The following NCKIPSD variants were observed in gnomAD, a reference collection of about 807,000 sequenced individuals.
The protein encoded by NCKIPSD is NCK-interacting protein with SH3 domain.
Under a neutral mutation model 73.4 loss-of-function variants are expected in NCKIPSD, and 48 were observed. The ratio of observed to expected loss-of-function variants is 0.65; its 90% CI spans 0.52 to 0.83. The LOEUF (loss-of-function observed/expected upper bound fraction) is 0.83. Among genes scored for constraint, NCKIPSD ranks in the 40% least tolerant of loss-of-function variants. The pLI, the probability that NCKIPSD is intolerant of heterozygous loss-of-function variation, is 0.00. For synonymous variants in NCKIPSD, 422 were observed against 403.6 expected, an observed-to-expected ratio of 1.05 and a Z score of -0.54; for missense variants, 884 against 970.2, an observed-to-expected ratio of 0.91 and a Z score of 1.18.
Position 48,682,411 on chromosome 3 carries a change from C to T in NCKIPSD, c.423G>A (p.Gly141=), listed in dbSNP as rs2077369829. Residue 141 remains glycine, a synonymous_variant, in exon 3 of 13, where the codon GGG becomes GGA. Transcript: ENST00000294129. ...ARQPNGVCRA[G]FERQHSLPSS... is the part of the protein sequence containing the mutation. ...TGGGTAGGCTGTGCTGCCGCTCGAA[C>T]CCAGCTCGACACACCCCATTGGGCT... 1 of 1,614,172 alleles carries T rather than the reference C, an allele frequency of 6.2e-7. No individual in the cohort carries two copies. Among genetic ancestry groups the T allele is most frequent in the Non-Finnish European group, 8.5e-7 (1 of 1,180,026 alleles).
At position 48,679,725 on chromosome 3, in the gene NCKIPSD, C is replaced by T. The variant is rs1364184580; in HGVS notation, c.1351-12G>A. ...GATGCTCGGTGTTCCTGGCAGGGAA[C>T]CCTGCGTGCTCAGTGCCTGGAACTC... On this transcript the variant is annotated splice_polypyrimidine_tract_variant and intron_variant, in intron 7 of 12. Coordinates refer to ENST00000294129, the MANE Select transcript of NCKIPSD (RefSeq NM_016453.4). The T allele has an allele frequency of 2.5e-6, 4 of 1,614,144 alleles. No individual in the cohort carries two copies. Among genetic ancestry groups the T allele is most frequent in the Middle Eastern group, 1.6e-4 (1 of 6,062 alleles).
At position 48,674,015 on chromosome 3, in the gene NCKIPSD, G is replaced by A. The variant is rs1195280579; in HGVS notation, c.*529C>T. The A allele has an allele frequency of 2.6e-5, 28 of 1,070,806 alleles. No homozygotes were observed. Among genetic ancestry groups the A allele is most frequent in the Admixed American group, 1.0e-4 (2 of 19,946 alleles). The allele number at this position is 1,070,806 out of a possible 1,614,324, so 66.3% of individuals were successfully genotyped here. ...ATGGATGGCCTGTCTCCAAGATCCC[G>A]CTTTCAAAGCAGCAGCTTGGCCAAG... On this transcript the variant is annotated 3_prime_UTR_variant, in exon 13 of 13. Coordinates refer to ENST00000294129, the MANE Select transcript of NCKIPSD (RefSeq NM_016453.4).
chr3:48,677,683 G>A (rs1164363005), intron 12 of NCKIPSD, among the ~76,000 whole-genome samples: 1 of 152,134 alleles, frequency 6.6e-6, no homozygotes, highest in Non-Finnish European at 1.5e-5. Flanking sequence ...GGCTCCTAAC[G>A]GTATAGAGAT....
Position 48,674,240 on chromosome 3 carries a change from C to T in NCKIPSD, c.*304G>A. 7.8e-7 allele frequency: 1 copy of T among 1,276,130 alleles called. No individual in the cohort carries two copies. The highest frequency in any genetic ancestry group is 1.0e-6 in the Non-Finnish European group (1 of 1,000,884). 79.1% of individuals were successfully genotyped at this position (1,276,130 alleles called of 1,614,324 possible). A position where few individuals can be genotyped will look rare whatever the true frequency, so the allele number is the denominator to read the frequency against. ...GGGGGTCTGGTCCAGCCTGGAGCGG[C>T]AGCAGGACTCTGAGTGTACACATGG... On this transcript the variant is annotated 3_prime_UTR_variant, in exon 13 of 13. Transcript: ENST00000294129.
chr3:48,675,527 T>TATTATA (rs1559489976), intron 12 of NCKIPSD, among the ~76,000 whole-genome samples: 1 of 58,996 alleles, frequency 1.7e-5, no homozygotes, highest in Non-Finnish European at 3.1e-5. Context: ...TATATATATA[T>TATTATA]GATATATATA....
rs1187549252 is a variant in NCKIPSD, at chr3:48,674,445, T to G, written c.*99A>C. 1.3e-6 allele frequency: 2 copies of G among 1,493,778 alleles called. No individual in the cohort carries two copies. Among genetic ancestry groups the G allele is most frequent in the South Asian group, 2.7e-5 (2 of 75,106 alleles). The allele number at this position is 1,493,778 out of a possible 1,614,324, so 92.5% of individuals were successfully genotyped here. On this transcript the variant is annotated 3_prime_UTR_variant, in exon 13 of 13. Coordinates refer to ENST00000294129, the MANE Select transcript of NCKIPSD (RefSeq NM_016453.4). The stretch of plus-strand genomic sequence containing the variant: ...TCCTGCTCAGGTTCCTTCTGCCACC[T>G]TATCCCCTCCCACTGTCAGTGCAAA...
chr3:48,679,294 G>A, intron 9 of NCKIPSD, 83 bp downstream of exon 9: 3 of 1,611,210 alleles, frequency 1.9e-6, no homozygotes, highest in Non-Finnish European at 2.5e-6. Context: ...CTGCTAGGCT[G>A]TGTAGTCAGC....
chr3:48,674,371 C>A lies in NCKIPSD; in HGVS notation c.*173G>T. ...CCCAGAACAGCTCCCAGACCATGGT[C>A]CCCAATCCTACACTTGGCCCCTCTC... On this transcript the variant is annotated 3_prime_UTR_variant, in exon 13 of 13. Transcript: ENST00000294129. The A allele has an allele frequency of 6.9e-7, 1 of 1,443,972 alleles. No homozygotes were observed. The highest frequency in any genetic ancestry group is 9.1e-7 in the Non-Finnish European group (1 of 1,101,088). 89.4% of individuals were successfully genotyped at this position (1,443,972 alleles called of 1,614,324 possible).
chr3:48,680,328 C>G, intron 5 of NCKIPSD, 99 bp from the exon 6 acceptor site: 1 of 1,338,842 alleles, frequency 7.5e-7, no homozygotes, highest in Non-Finnish European at 1.0e-6. Context: ...GACTTTTACT[C>G]CATGAACTCA....
rs11545752 is a variant in NCKIPSD, at chr3:48,678,920, G to A, written c.1749C>T (p.Val583=). 1 of 1,613,940 alleles carries A rather than the reference G, an allele frequency of 6.2e-7. No homozygotes were observed. The highest frequency in any genetic ancestry group is 1.3e-5 in the African/African-American group (1 of 74,896). The part of the protein sequence containing the change: ...IMAALSKHAN[V]KIFSEKLLLL... Reference sequence around the variant, plus strand: ...ACAACAGCTTCTCGGAGAAGATCTTGACATTGGCGTGTTTGCTCAGGGCAG... The same window carrying A: ...ACAACAGCTTCTCGGAGAAGATCTTAACATTGGCGTGTTTGCTCAGGGCAG... The change falls in exon 11 of 13, where the codon GTC becomes GTT. Residue 583 remains valine (V), a synonymous_variant. Coordinates refer to ENST00000294129, the MANE Select transcript of NCKIPSD (RefSeq NM_016453.4).
chr3:48,683,581 C>T (rs941116933), intron 1 of NCKIPSD, among the ~76,000 whole-genome samples: 1 of 152,184 alleles, frequency 6.6e-6, no homozygotes, highest in Non-Finnish European at 1.5e-5. Context: ...GCCCTCATCC[C>T]CACAAGATGT....
Position 48,680,142 on chromosome 3 carries a change from C to T in NCKIPSD, c.1180G>A (p.Asp394Asn). 6.2e-7 allele frequency: 1 copy of T among 1,614,048 alleles called. No individual in the cohort carries two copies. Among genetic ancestry groups the T allele is most frequent in the East Asian group, 2.2e-5 (1 of 44,874 alleles). Residue 394 changes from aspartate (D) to asparagine (N), a missense_variant, in exon 6 of 13, where the codon GAC (aspartate) becomes AAC (asparagine). Physicochemically the swap from Asp to Asn is conservative, Grantham distance 23. Transcript: ENST00000294129. ...GCCCAACTGCGCTGCTGGGCGTCGT[C>T]CTTCCGGCGAGCCAGGTCTGCAAAG... ...VIFADLARRK[D>N]DAQQRSWALY...
In NCKIPSD at chr3:48,682,055, G is replaced by A; in HGVS notation, c.588C>T (p.Ala196=). The A allele has an allele frequency of 1.2e-6, 2 of 1,601,150 alleles. No homozygotes were observed. The highest frequency in any genetic ancestry group is 1.1e-5 in the South Asian group (1 of 90,846). The change falls in exon 4 of 13, where the codon GCC becomes GCT. Residue 196 remains alanine (A), a synonymous_variant. Coordinates refer to ENST00000294129, the MANE Select transcript of NCKIPSD (RefSeq NM_016453.4). The part of the protein sequence containing the change: ...VKRRDREALM[A]SGSGGHNTMP... ...ACCCTGCCTTCTTACCACTCCCAGA[G>A]GCCATCAGGGCCTCGCGGTCTCGGC...
In NCKIPSD at chr3:48,674,051, G is replaced by A. The variant is rs774551709; in HGVS notation, c.*493C>T. 64 of 1,075,376 alleles carry A rather than the reference G, an allele frequency of 6.0e-5. No individual in the cohort carries two copies. Among genetic ancestry groups the A allele is most frequent in the Non-Finnish European group, 6.8e-5 (60 of 884,730 alleles). The allele number at this position is 1,075,376 out of a possible 1,614,324, so 66.6% of individuals were successfully genotyped here. The stretch of plus-strand genomic sequence containing the variant: ...AGCAGCTTGGCCAAGGCCTCTGGGG[G>A]TAGGAGTGAAGGGCAGCGACCCCCA... On this transcript the variant is annotated 3_prime_UTR_variant, in exon 13 of 13. Coordinates refer to ENST00000294129, the MANE Select transcript of NCKIPSD (RefSeq NM_016453.4).
In NCKIPSD at chr3:48,679,486, T is replaced by A. The variant is rs551554338; in HGVS notation, c.1490-29A>T. 3 of 1,605,316 alleles carry A rather than the reference T, an allele frequency of 1.9e-6. No individual in the cohort carries two copies. The South Asian group carries it at 3.3e-5, about 18-fold the overall frequency. Reference sequence around the variant, plus strand: ...GGGGGGACAAGGCAGGCAGTCAGAGTCCCCAAAGATGGCAGGAAACCCCAG... The same window carrying A: ...GGGGGGACAAGGCAGGCAGTCAGAGACCCCAAAGATGGCAGGAAACCCCAG... On this transcript the variant is annotated intron_variant, in intron 8 of 12. Transcript: ENST00000294129.
intron 9 of NCKIPSD, 52 bp from the exon 10 acceptor site, chr3:48,679,235 C>G: frequency 6.2e-7 from 1 of 1,610,432 alleles, no homozygotes; most frequent in Non-Finnish European, 8.5e-7. Flanking sequence ...CCGACCCCCG[C>G]ACCACCCACC....
Position 48,679,462 on chromosome 3 carries a change from G to C in NCKIPSD, c.1490-5C>G, listed in dbSNP as rs774189813. 7 of 1,611,136 alleles carry C rather than the reference G, an allele frequency of 4.3e-6. No homozygotes were observed. Among genetic ancestry groups the C allele is most frequent in the Non-Finnish European group, 5.1e-6 (6 of 1,178,064 alleles). On this transcript the variant is annotated splice_region_variant and splice_polypyrimidine_tract_variant and intron_variant, in intron 8 of 12. Transcript: ENST00000294129. ...AGTAACAGAGTTTCTGGTGGTCTGG[G>C]GGGGACAAGGCAGGCAGTCAGAGTC...
At chr3:48,676,713 G>A (rs1413897830) in intron 12 of NCKIPSD, among the ~76,000 whole-genome samples, 1 of 151,926 alleles carries the variant, frequency 6.6e-6, no homozygotes, top group Non-Finnish European at 1.5e-5. Context: ...GGCTGATCTT[G>A]AACTCATGGA....
intron 1 of NCKIPSD, among the ~76,000 whole-genome samples, chr3:48,684,855 G>A (rs575910441): frequency 1.3e-5 from 2 of 152,320 alleles, no homozygotes; most frequent in East Asian, 3.9e-4. Flanking sequence ...CTGGGAACAA[G>A]TAGGGATGGA....
Sources: allele counts gnomAD v4.1 joint callset (sites outside exome capture counted in the v4.1 genomes callset), GRCh38; gene constraint gnomAD v4.1.1; transcripts MANE v1.5; gene names NCBI Gene and HGNC (gene_info 2026-07-23, HGNC 2026-07-21).